The following CDH12 variants were observed in gnomAD, a reference collection of about 807,000 sequenced individuals.
CDH12 encodes the protein cadherin-12.
In CDH12, 41 loss-of-function variants were observed where a neutral mutation model predicts 74.1. The ratio of observed to expected loss-of-function variants is 0.55; its 90% CI spans 0.43 to 0.72. The LOEUF (loss-of-function observed/expected upper bound fraction) is 0.72. Ranked by LOEUF, CDH12 falls within the 30% of genes least tolerant of loss-of-function variation. CDH12 has a pLI of 0.00. For missense variants in CDH12, 945 were observed against 977.2 expected, an observed-to-expected ratio of 0.97 and a Z score of 0.44; for synonymous variants, 399 against 355.0, an observed-to-expected ratio of 1.12 and a Z score of -1.39.
intron 2 of CDH12, among the ~76,000 whole-genome samples, chr5:22,502,587 A>C (rs1265250286): frequency 6.6e-6 from 1 of 152,044 alleles, no homozygotes; most frequent in Non-Finnish European, 1.5e-5. Context: ...GGTGCTCCCA[A>C]AAGATCTGAT....
chr5:22,821,544 A>G (rs1006182389), intron 1 of CDH12, among the ~76,000 whole-genome samples: 3 of 152,294 alleles, frequency 2.0e-5, no homozygotes, highest in Admixed American at 6.5e-5. Flanking sequence ...AAGTCTCAGG[A>G]TATAAAATCA....
intron 6 of CDH12, among the ~76,000 whole-genome samples, chr5:21,907,542 A>C (rs1261365778): frequency 6.6e-6 from 1 of 152,220 alleles, no homozygotes; most frequent in Non-Finnish European, 1.5e-5. Context: ...TATGATTGCC[A>C]CAACCAATTT....
Position 22,561,964 on chromosome 5 carries a change from T to A in CDH12, c.-522-56600A>T, listed in dbSNP as rs377245. Among the ~76,000 whole-genome samples, 894 of 152,082 alleles carry A rather than the reference T, an allele frequency of 5.9e-3. 10 individuals carry two copies. The highest frequency in any genetic ancestry group is 0.021 in the African/African-American group (865 of 41,482). ...TTATTGAAGATAATTAAGGAAATAC[T>A]GTGTTCCACAATTTATAAGAATATA... is the stretch of plus-strand genomic sequence containing the variant. On this transcript the variant is annotated intron_variant, in intron 1 of 14. Transcript: ENST00000382254.
chr5:21,923,714 GT>G (rs1754462954), intron 6 of CDH12, among the ~76,000 whole-genome samples: 1 of 152,066 alleles, frequency 6.6e-6, no homozygotes, highest in Admixed American at 6.5e-5. Flanking sequence ...TTTTTAATAA[GT>G]TTTGGGTGTG....
intron 1 of CDH12, among the ~76,000 whole-genome samples, chr5:22,675,404 A>G (rs534128744): frequency 6.6e-6 from 1 of 152,294 alleles, no homozygotes; most frequent in Non-Finnish European, 1.5e-5. Context: ...CAGAGGATGT[A>G]TGGAAATGCC....
At chr5:21,997,523 A>G (rs1736365536) in intron 5 of CDH12, among the ~76,000 whole-genome samples, 1 of 152,124 alleles carries the variant, frequency 6.6e-6, no homozygotes, top group African/African-American at 2.4e-5. Flanking sequence ...CTGCAGTGTA[A>G]TTTATCTTAT....
chr5:21,800,551 A>G (rs1747053717), intron 10 of CDH12, among the ~76,000 whole-genome samples: 1 of 152,144 alleles, frequency 6.6e-6, no homozygotes, highest in African/African-American at 2.4e-5. Context: ...CAAGGAGAAG[A>G]TGACCACCTG....
chr5:22,516,854 A>G (rs915634596), intron 1 of CDH12, among the ~76,000 whole-genome samples: 4 of 152,144 alleles, frequency 2.6e-5, no homozygotes, highest in Non-Finnish European at 5.9e-5. Flanking sequence ...AAAAAAATGA[A>G]AAAAGAAAAA....
chr5:22,261,788 C>CA (rs34114097), intron 3 of CDH12, among the ~76,000 whole-genome samples: 12,631 of 144,370 alleles, frequency 0.087, 608 homozygotes, highest in South Asian at 0.16. Flanking sequence ...GAAAGAAAGC[C>CA]AAAAAAAAAA....
chr5:22,237,886 C>A (rs1752614569), intron 3 of CDH12, among the ~76,000 whole-genome samples: 1 of 152,128 alleles, frequency 6.6e-6, no homozygotes, highest in African/African-American at 2.4e-5. Flanking sequence ...CATATGATGG[C>A]AAATGGTCTA....
chr5:21,951,619 A>C (rs1755865813), intron 6 of CDH12, among the ~76,000 whole-genome samples: 1 of 152,204 alleles, frequency 6.6e-6, no homozygotes, highest in South Asian at 2.1e-4. Flanking sequence ...TTTCTAATTC[A>C]GTTACCTGTT....
At chr5:22,560,643 A>G (rs1739006747) in intron 1 of CDH12, among the ~76,000 whole-genome samples, 1 of 152,184 alleles carries the variant, frequency 6.6e-6, no homozygotes, top group Non-Finnish European at 1.5e-5. Context: ...AGGTAATAAA[A>G]AAATCATTTC....
At chr5:22,478,123 A>C (rs1746240587) in intron 2 of CDH12, among the ~76,000 whole-genome samples, 1 of 152,090 alleles carries the variant, frequency 6.6e-6, no homozygotes, top group Non-Finnish European at 1.5e-5. Flanking sequence ...AATTTTTTTG[A>C]ATATTGAAAA....
chr5:21,812,903 A>T (rs561166006), intron 9 of CDH12, among the ~76,000 whole-genome samples: 124 of 152,284 alleles, frequency 8.1e-4, no homozygotes, highest in African/African-American at 2.8e-3. Flanking sequence ...AAAGCAAATT[A>T]CAACACTGAA....
chr5:21,941,268 C>T (rs1251297324), intron 6 of CDH12, among the ~76,000 whole-genome samples: 2 of 152,076 alleles, frequency 1.3e-5, no homozygotes, highest in Non-Finnish European at 2.9e-5. Context: ...TGAGAAATAA[C>T]CTAACTATCT....
chr5:22,675,154 A>C (rs2126919919), intron 1 of CDH12, among the ~76,000 whole-genome samples: 1 of 152,220 alleles, frequency 6.6e-6, no homozygotes, highest in African/African-American at 2.4e-5. Flanking sequence ...CAGGCCCAGA[A>C]GTTTAGGAGG....
chr5:22,693,191 A>G (rs1742174508), intron 1 of CDH12, among the ~76,000 whole-genome samples: 1 of 152,092 alleles, frequency 6.6e-6, no homozygotes. Flanking sequence ...ACCTCTGAAC[A>G]TGTCTTATGA....
intron 5 of CDH12, among the ~76,000 whole-genome samples, chr5:22,040,188 G>A (rs962562968): frequency 6.6e-6 from 1 of 151,860 alleles, no homozygotes. Flanking sequence ...ACAGTAGAGA[G>A]CTTCAACAGC....
chr5:21,793,114 C>G (rs1746595051), intron 10 of CDH12, among the ~76,000 whole-genome samples: 1 of 151,616 alleles, frequency 6.6e-6, no homozygotes, highest in Non-Finnish European at 1.5e-5. Flanking sequence ...TTCCTAATTT[C>G]CTCAGAAATC....
Sources: allele counts gnomAD v4.1 joint callset (sites outside exome capture counted in the v4.1 genomes callset), GRCh38; gene constraint gnomAD v4.1.1; transcripts MANE v1.5; gene names NCBI Gene and HGNC (gene_info 2026-07-23, HGNC 2026-07-21).